Variants in RASGRF2 observed in about 807,000 individuals in gnomAD.
RASGRF2 encodes ras-specific guanine nucleotide-releasing factor 2.
A neutral mutation model predicts 151.0 loss-of-function variants in RASGRF2; 76 were observed. The observed-to-expected ratio is 0.50, with a 90% CI of 0.42 to 0.61. RASGRF2 has a LOEUF of 0.61. Among genes scored for constraint, RASGRF2 ranks in the 20% least tolerant of loss-of-function variants. RASGRF2 has a pLI of 0.00. For missense variants in RASGRF2, 1,148 were observed against 1,564.6 expected, an observed-to-expected ratio of 0.73 and a Z score of 4.49; for synonymous variants, 504 against 566.5, an observed-to-expected ratio of 0.89 and a Z score of 1.57.
chr5:81,168,366 A>G (rs1369579187), intron 17 of RASGRF2, among the ~76,000 whole-genome samples: 5 of 132,086 alleles, frequency 3.8e-5, no homozygotes, highest in South Asian at 2.4e-4. Flanking sequence ...GTTAGAGTGC[A>G]GTGGCGTAAC....
chr5:81,113,735 C>T lies in RASGRF2; in HGVS notation c.2285C>T (p.Thr762Ile). The T allele has an allele frequency of 6.2e-7, 1 of 1,614,126 alleles. No homozygotes were observed. The highest frequency in any genetic ancestry group is 8.5e-7 in the Non-Finnish European group (1 of 1,179,994). Residue 762 changes from threonine to isoleucine, a missense_variant, in exon 15 of 27, where the codon ACT (threonine) becomes ATT (isoleucine). Thr to Ile is a moderately conservative substitution (Grantham distance 89, BLOSUM62 -1). Transcript: ENST00000265080. Reference sequence around the variant, plus strand: ...AAGATAGGAGCATTGGACCTGACAACTTCCAGCAGTCCCACCACCACCACC... The same window carrying T: ...AAGATAGGAGCATTGGACCTGACAATTTCCAGCAGTCCCACCACCACCACC... ...NSKIGALDLT[T>I]SSSPTTTTQS... is the part of the protein sequence containing the mutation.
In RASGRF2 at chr5:81,112,850, C is replaced by A. The variant is rs750869011; in HGVS notation, c.2079C>A (p.Ile693=). The A allele has an allele frequency of 3.1e-6, 5 of 1,614,100 alleles. No individual in the cohort carries two copies. The South Asian group carries it at 5.5e-5, about 18-fold the overall frequency. The change falls in exon 14 of 27, where the codon ATC becomes ATA. Residue 693 remains isoleucine, a synonymous_variant. Transcript: ENST00000265080. ...TATACAAGAGGCCTTTCACCTCCAT[C>A]CCTGTCAGGTACACCTATTGCTAGA... ...SDIYKRPFTS[I]PVRSLELFFA... is the part of the protein sequence containing the mutation.
intron 13 of RASGRF2, among the ~76,000 whole-genome samples, chr5:81,109,528 T>G (rs928853284): frequency 6.6e-6 from 1 of 152,166 alleles, no homozygotes; most frequent in African/African-American, 2.4e-5. Context: ...TAGCCGGGCA[T>G]GATGGCGGAC....
chr5:81,212,877 A>G (rs773841358), intron 23 of RASGRF2, among the ~76,000 whole-genome samples: 4 of 152,160 alleles, frequency 2.6e-5, no homozygotes, highest in Non-Finnish European at 5.9e-5. Flanking sequence ...CAGTGGGTCC[A>G]TTCTTTCTCT....
At chr5:80,998,937 C>G (rs948176148) in intron 1 of RASGRF2, among the ~76,000 whole-genome samples, 3 of 152,194 alleles carry the variant, frequency 2.0e-5, no homozygotes, top group Middle Eastern at 3.2e-3. Flanking sequence ...TGGTAACGGA[C>G]TCTTGGCCTT....
chr5:81,113,404 G>T, intron 14 of RASGRF2, 134 bp from the exon 15 acceptor site: 5 of 1,066,376 alleles, frequency 4.7e-6, no homozygotes, highest in Non-Finnish European at 6.7e-6. Context: ...GTAGCATTTA[G>T]ATTAACGGAA....
At chr5:81,179,571 G>A (rs985077068) in intron 17 of RASGRF2, among the ~76,000 whole-genome samples, 8 of 152,172 alleles carry the variant, frequency 5.3e-5, no homozygotes, top group South Asian at 2.1e-4. Flanking sequence ...GGTTTATGTC[G>A]TGGAATGATC....
chr5:81,110,757 G>A (rs1385654198), intron 13 of RASGRF2, among the ~76,000 whole-genome samples: 1 of 152,182 alleles, frequency 6.6e-6, no homozygotes, highest in Non-Finnish European at 1.5e-5. Flanking sequence ...ACAGGGTGAT[G>A]AATTCATAAA....
chr5:81,045,787 CTT>C (rs963336697), intron 2 of RASGRF2, among the ~76,000 whole-genome samples: 3 of 152,056 alleles, frequency 2.0e-5, no homozygotes, highest in Non-Finnish European at 4.4e-5. Context: ...GGGAAGAAAA[CTT>C]TTTTATCTAA....
At chr5:81,058,413 T>G (rs1751300743) in intron 2 of RASGRF2, among the ~76,000 whole-genome samples, 1 of 152,212 alleles carries the variant, frequency 6.6e-6, no homozygotes, top group Non-Finnish European at 1.5e-5. Flanking sequence ...AGGGAAGCCC[T>G]GCATGTGTTT....
At chr5:81,081,509 T>C (rs1752085552) in intron 7 of RASGRF2, among the ~76,000 whole-genome samples, 1 of 152,206 alleles carries the variant, frequency 6.6e-6, no homozygotes, top group South Asian at 2.1e-4. Flanking sequence ...GTGCATTGAA[T>C]CTCCTGTTGT....
chr5:81,034,383 C>T (rs1750388026), intron 1 of RASGRF2, among the ~76,000 whole-genome samples: 1 of 152,074 alleles, frequency 6.6e-6, no homozygotes, highest in Non-Finnish European at 1.5e-5. Flanking sequence ...TTGTGGAAGA[C>T]AGTGTGGCGA....
At chr5:80,987,257 C>T (rs1375259633) in intron 1 of RASGRF2, among the ~76,000 whole-genome samples, 2 of 152,132 alleles carry the variant, frequency 1.3e-5, no homozygotes, top group African/African-American at 4.8e-5. Flanking sequence ...GGTAGGAGCT[C>T]CCATTTGTTG....
intron 1 of RASGRF2, among the ~76,000 whole-genome samples, chr5:80,964,927 A>C (rs535172213): frequency 6.6e-6 from 1 of 152,122 alleles, no homozygotes; most frequent in African/African-American, 2.4e-5. Context: ...GCCTACTAGC[A>C]GGAGAAGACA....
At position 81,226,902 on chromosome 5, in the gene RASGRF2, C is replaced by G. The variant is rs115333586; in HGVS notation, c.*1132C>G. On this transcript the variant is annotated 3_prime_UTR_variant, in exon 27 of 27. Transcript: ENST00000265080. ...GTGCATGGGAAATGGGCCCAACCAC[C>G]GAACAGCTCTTACATTACAAAACCA... 4.6e-5 allele frequency: 7 copies of G among 152,088 alleles called. No homozygotes were observed. The highest frequency in any genetic ancestry group is 1.7e-4 in the African/African-American group (7 of 41,414). The allele number at this position is 152,088 out of a possible 1,614,324, so 9.4% of individuals were successfully genotyped here.
intron 17 of RASGRF2, among the ~76,000 whole-genome samples, chr5:81,140,324 TG>T (rs1474649163): frequency 6.6e-6 from 1 of 152,184 alleles, no homozygotes; most frequent in Non-Finnish European, 1.5e-5. Flanking sequence ...TATTTTCTAT[TG>T]TTTTTTTCCA....
At chr5:81,121,364 A>G (rs529526396) in intron 15 of RASGRF2, among the ~76,000 whole-genome samples, 4 of 152,324 alleles carry the variant, frequency 2.6e-5, no homozygotes, top group Admixed American at 2.0e-4. Context: ...AGTTTTGCCA[A>G]TTAGGTCCCT....
At chr5:81,168,062 G>C (rs1205175897) in intron 17 of RASGRF2, among the ~76,000 whole-genome samples, 8 of 152,122 alleles carry the variant, frequency 5.3e-5, no homozygotes, top group African/African-American at 1.9e-4. Context: ...AAATGGTCAA[G>C]GATGACCTCT....
intron 1 of RASGRF2, among the ~76,000 whole-genome samples, chr5:81,028,133 C>T (rs1750100708): frequency 6.6e-6 from 1 of 151,824 alleles, no homozygotes; most frequent in Non-Finnish European, 1.5e-5. Context: ...GGGAAATCTT[C>T]CCACTCTAGA....
Sources: gnomAD v4.1 joint callset for allele counts (sites outside exome capture counted in the v4.1 genomes callset) on GRCh38, gnomAD v4.1.1 for gene constraint, MANE v1.5 for transcripts, NCBI Gene and HGNC (gene_info 2026-07-23, HGNC 2026-07-21) for gene names.